Variants in MYH8 observed in about 807,000 individuals in gnomAD.
MYH8 encodes the protein myosin-8.
In MYH8, 168 loss-of-function variants were observed where a neutral mutation model predicts 233.2. That is an observed-to-expected ratio of 0.72 (90% CI 0.64 to 0.82). The LOEUF (loss-of-function observed/expected upper bound fraction) is 0.82. Among genes scored for constraint, MYH8 ranks in the 40% least tolerant of loss-of-function variants. The probability of loss-of-function intolerance (pLI) is 0.00; values close to 1 mark genes in which losing one functional copy is unlikely to be tolerated. For missense variants in MYH8, 1,995 were observed against 2,327.8 expected (o/e 0.86, Z 2.94); for synonymous variants, 785 against 850.6 (o/e 0.92, Z 1.34).
intron 12 of MYH8, among the ~76,000 whole-genome samples, 177 bp from the exon 13 acceptor site, chr17:10,412,905 G>A (rs1014467033): frequency 7.2e-5 from 11 of 152,240 alleles, no homozygotes; most frequent in South Asian, 2.1e-4. Flanking sequence ...TGGTTGATTG[G>A]TTATACTGAT....
chr17:10,391,932 C>A lies in MYH8; in HGVS notation c.5614G>T (p.Asp1872Tyr). Residue 1872 changes from aspartate (D) to tyrosine (Y), a missense_variant, in exon 39 of 40, where the codon GAT (aspartate) becomes TAT (tyrosine). Physicochemically the swap from Asp to Tyr is radical, Grantham distance 160 (BLOSUM62 -3). Around this residue, in one of 3 missense-constraint regions of MYH8, gnomAD observed 1,498 missense variants for 1,680.9 expected, o/e 0.89. Coordinates refer to ENST00000403437, the MANE Select transcript of MYH8 (RefSeq NM_002472.3). Reference sequence around the variant, plus strand: ...GATTTCACCTTCGCCTGTAATTTATCTACCAAGTCCTGCAGCCTGAGAACA... The same window carrying A: ...GATTTCACCTTCGCCTGTAATTTATATACCAAGTCCTGCAGCCTGAGAACA... ...KNVLRLQDLV[D>Y]KLQAKVKSYK... is the part of the protein sequence containing the mutation. 6.2e-7 allele frequency: 1 copy of A among 1,614,158 alleles called. No homozygotes were observed. Among genetic ancestry groups the A allele is most frequent in the South Asian group, 1.1e-5 (1 of 91,084 alleles).
chr17:10,410,242 T>C (rs529528370), intron 15 of MYH8, among the ~76,000 whole-genome samples: 64 of 152,222 alleles, frequency 4.2e-4, no homozygotes, highest in African/African-American at 1.5e-3. Flanking sequence ...GGTTGAGGCT[T>C]CAGTGAGCTG....
chr17:10,390,666 A>G (rs1012374891), intron 39 of MYH8, 63 bp from the exon 40 acceptor site: 10 of 1,563,534 alleles, frequency 6.4e-6, no homozygotes, highest in Non-Finnish European at 8.8e-6. Flanking sequence ...TTATCACCAG[A>G]CAGGATTAGT....
intron 30 of MYH8, 134 bp from the exon 31 acceptor site, chr17:10,397,120 G>A: frequency 1.8e-6 from 2 of 1,123,276 alleles, no homozygotes; most frequent in South Asian, 1.4e-5. Flanking sequence ...GTCTCGCTCT[G>A]TCGCCCATGC....
In MYH8 at chr17:10,401,364, G is replaced by C. The variant is rs1193775043; in HGVS notation, c.3019C>G (p.Gln1007Glu). The change falls in exon 24 of 40, where the codon CAG becomes GAG. Residue 1007 changes from glutamine to glutamate, a missense_variant. Physicochemically the swap from Gln to Glu is conservative, Grantham distance 29 (BLOSUM62 2). Transcript: ENST00000403437. ...GCCTGCAGGTCATCCAGGGTCTGCT[G>C]GTGGGTCTCTTGGAGAGCCTTCTTC... ...KEKKALQETH[Q>E]QTLDDLQAEE... 6.2e-7 allele frequency: 1 copy of C among 1,613,660 alleles called. No homozygotes were observed. Among genetic ancestry groups the C allele is most frequent in the East Asian group, 2.2e-5 (1 of 44,864 alleles).
chr17:10,406,347 C>A lies in MYH8; in HGVS notation c.2222G>T (p.Ser741Ile). The A allele has an allele frequency of 6.2e-7, 1 of 1,613,906 alleles. No homozygotes were observed. ...SAIPEGQFID[S>I]KKASEKLLAS... is the part of the protein sequence containing the mutation. Reference sequence around the variant, plus strand: ...AAGAAGTTTCTCAGAAGCCTTCTTGCTGTCAATGAACTGTCCCTCTGGAAT... The same window carrying A: ...AAGAAGTTTCTCAGAAGCCTTCTTGATGTCAATGAACTGTCCCTCTGGAAT... Residue 741 changes from serine (S) to isoleucine (I), a missense_variant, in exon 20 of 40, where the codon AGC (serine) becomes ATC (isoleucine). Ser to Ile is a moderately radical substitution (Grantham distance 142, BLOSUM62 -2). Around this residue, in one of 3 missense-constraint regions of MYH8, gnomAD observed 1,498 missense variants for 1,680.9 expected, o/e 0.89. Transcript: ENST00000403437.
At chr17:10,421,084 A>G (rs950280555) in intron 2 of MYH8, among the ~76,000 whole-genome samples, 14 of 152,208 alleles carry the variant, frequency 9.2e-5, no homozygotes, top group African/African-American at 3.1e-4. Context: ...GGCCTCTGCA[A>G]TGTGGACATG....
In MYH8 at chr17:10,409,481, G is replaced by T; in HGVS notation, c.1695C>A (p.Asn565Lys). 6.2e-7 allele frequency: 1 copy of T among 1,614,234 alleles called. No individual in the cohort carries two copies. The highest frequency in any genetic ancestry group is 8.5e-7 in the Non-Finnish European group (1 of 1,180,042). The change falls in exon 16 of 40, where the codon AAC becomes AAA. Residue 565 changes from asparagine (N) to lysine (K), a missense_variant. This residue lies in a region of MYH8 where 1,498 missense variants were observed against 1,680.9 expected (regional missense o/e 0.89). Coordinates refer to ENST00000403437, the MANE Select transcript of MYH8 (RefSeq NM_002472.3). ...CTTTGACCACCTTGGGCTTCTGGAA[G>T]TTGGCAGACTTGCCCAGGTGCTGGT... ...LYDQHLGKSA[N>K]FQKPKVVKGK...
At chr17:10,392,690 T>C (rs1434696824) in intron 37 of MYH8, 44 bp from the exon 38 acceptor site, 17 of 1,613,424 alleles carry the variant, frequency 1.1e-5, no homozygotes, top group Non-Finnish European at 1.4e-5. Flanking sequence ...TTGGGGGATA[T>C]TAATTAGCCC....
intron 5 of MYH8, among the ~76,000 whole-genome samples, chr17:10,416,439 C>CAATGT (rs1428917462): frequency 6.6e-6 from 1 of 152,160 alleles, no homozygotes; most frequent in Non-Finnish European, 1.5e-5. Context: ...CTCTTCCAGA[C>CAATGT]CCTGCTTCCA....
chr17:10,415,375 C>T lies in MYH8; in HGVS notation c.658G>A (p.Glu220Lys), dbSNP rs915045580. Reference protein sequence around the residue: ...DESGKMQGTLEDQIISANPLL... With the variant: ...DESGKMQGTLKDQIISANPLL... Reference sequence around the variant, plus strand: ...GGATTGGCGCTGATGATTTGATCTTCCAGAGTCCCCTGCAAAGGAAGGAGC... The same window carrying T: ...GGATTGGCGCTGATGATTTGATCTTTCAGAGTCCCCTGCAAAGGAAGGAGC... Residue 220 changes from glutamate (E) to lysine (K), a missense_variant, in exon 8 of 40, where the codon GAA becomes AAA. By Grantham distance (56) the Glu-to-Lys change is moderately conservative. This residue lies in a region of MYH8 where 479 missense variants were observed against 600.9 expected (regional missense o/e 0.80). Coordinates refer to ENST00000403437, the MANE Select transcript of MYH8 (RefSeq NM_002472.3). The surrounding 1 kb of genome is among the most constrained non-coding windows in gnomAD (Gnocchi z 4.1). 1.9e-6 allele frequency: 3 copies of T among 1,614,130 alleles called. No individual in the cohort carries two copies. In the Admixed American group the frequency reaches 5.0e-5, roughly 27 times the overall value.
In MYH8 at chr17:10,390,450, G is replaced by A. The variant is rs1487288524; in HGVS notation, c.*4C>T. The A allele has an allele frequency of 4.3e-6, 7 of 1,613,106 alleles. No homozygotes were observed. Among genetic ancestry groups the A allele is most frequent in the Non-Finnish European group, 5.9e-6 (7 of 1,180,032 alleles). On this transcript the variant is annotated 3_prime_UTR_variant, in exon 40 of 40. Transcript: ENST00000403437. The stretch of plus-strand genomic sequence containing the variant: ...AGCCTCTTGATAGCATCAGGCAGGT[G>A]TGTTTACTCTGCACTGATTTTTGTG...
In MYH8 at chr17:10,400,107, G is replaced by A. The variant is rs1257730613; in HGVS notation, c.3735+283C>T. Among the ~76,000 whole-genome samples, 6 of 152,154 alleles carry A rather than the reference G, an allele frequency of 3.9e-5. No individual in the cohort carries two copies. Among genetic ancestry groups the A allele is most frequent in the African/African-American group, 1.4e-4 (6 of 41,444 alleles). ...AGTCCCAGCTACTGGGGAGGCTGAG[G>A]CAGGAGAGTGGCGTGAACCCGGGAG... On this transcript the variant is annotated intron_variant, in intron 27 of 39. Coordinates refer to ENST00000403437, the MANE Select transcript of MYH8 (RefSeq NM_002472.3). The surrounding 1 kb of genome is among the most constrained non-coding windows in gnomAD (Gnocchi z 4.0).
intron 12 of MYH8, 119 bp downstream of exon 12, chr17:10,413,783 A>C: frequency 7.1e-7 from 1 of 1,415,606 alleles, no homozygotes; most frequent in South Asian, 1.2e-5. Context: ...AGTGTGTGTA[A>C]ATGTGTATAT....
In MYH8 at chr17:10,394,469, A is replaced by G; in HGVS notation, c.4963-17T>C. The stretch of plus-strand genomic sequence containing the variant: ...CTGGGTTTCCTAATAAGTGAAAAAC[A>G]GAAAGGCCTTAAGTGTTCTGAAGAG... On this transcript the variant is annotated splice_polypyrimidine_tract_variant and intron_variant, in intron 34 of 39. Coordinates refer to ENST00000403437, the MANE Select transcript of MYH8 (RefSeq NM_002472.3). 1.2e-6 allele frequency: 2 copies of G among 1,613,760 alleles called. No homozygotes were observed. The highest frequency in any genetic ancestry group is 1.7e-6 in the Non-Finnish European group (2 of 1,179,788).
intron 15 of MYH8, among the ~76,000 whole-genome samples, chr17:10,409,969 C>T (rs981381400): frequency 3.9e-5 from 6 of 152,092 alleles, no homozygotes; most frequent in African/African-American, 1.4e-4. Flanking sequence ...GTATAAACAA[C>T]CAAATTTTAT....
At chr17:10,404,652 A>T in intron 21 of MYH8, 67 bp from the exon 22 acceptor site, 1 of 1,593,258 alleles carries the variant, frequency 6.3e-7, no homozygotes, top group Non-Finnish European at 8.6e-7. Context: ...TACTTATCAC[A>T]CACAAATTTC....
chr17:10,397,055 C>T, intron 30 of MYH8, 69 bp from the exon 31 acceptor site: 1 of 1,500,210 alleles, frequency 6.7e-7, no homozygotes, highest in Non-Finnish European at 9.2e-7. Flanking sequence ...TCCTTGGTCC[C>T]TTTTCACAGT....
At chr17:10,407,262 G>A (rs2142181163) in intron 17 of MYH8, among the ~76,000 whole-genome samples, 1 of 152,262 alleles carries the variant, frequency 6.6e-6, no homozygotes, top group East Asian at 1.9e-4. Flanking sequence ...ACAAGGAAGG[G>A]TTCTCAACCG....
Sources: gnomAD v4.1 joint callset for allele counts (sites outside exome capture counted in the v4.1 genomes callset) on GRCh38, gnomAD v4.1.1 for gene constraint, gnomAD v4.1.1 regional missense constraint, Gnocchi (gnomAD v3.1) non-coding constraint, MANE v1.5 for transcripts, NCBI Gene and HGNC (gene_info 2026-07-23, HGNC 2026-07-21) for gene names.